CNTLN: variants seen among roughly 807,000 people sequenced by gnomAD.
CNTLN encodes the protein centlein, also known as centlein, centrosomal protein.
CNTLN carries 212 observed loss-of-function variants against 180.0 expected under a neutral mutation model. The observed-to-expected ratio is 1.18, with a 90% CI of 1.05 to 1.32. The LOEUF is 1.32. Among genes scored for constraint, CNTLN ranks in the 40% most tolerant of loss-of-function variants. The pLI, the probability that CNTLN is intolerant of heterozygous loss-of-function variation, is 0.00. For missense variants in CNTLN, 2,095 were observed against 1,610.9 expected (o/e 1.30, Z -5.14); for synonymous variants, 722 against 563.1 (o/e 1.28, Z -3.99).
At chr9:17,517,696 G>T in the CNTLN span, among the ~76,000 whole-genome samples, 4 of 152,090 alleles carry the variant, frequency 2.6e-5, no homozygotes, top group African/African-American at 9.7e-5. Flanking sequence ...TCTCCAGCAA[G>T]GCCATTGGAG....
At chr9:17,351,283 A>G (rs570426279) in intron 12 of CNTLN, among the ~76,000 whole-genome samples, 16 of 152,304 alleles carry the variant, frequency 1.1e-4, no homozygotes, top group South Asian at 4.1e-4. Context: ...GCCTATGACA[A>G]TGTCATCTAT....
At chr9:17,527,508 C>A in the CNTLN span, among the ~76,000 whole-genome samples, 1 of 152,060 alleles carries the variant, frequency 6.6e-6, no homozygotes, top group East Asian at 1.9e-4. Context: ...TATACTGGGA[C>A]GGAAGAATTC....
At chr9:17,252,828 A>G (rs1826229591) in intron 5 of CNTLN, among the ~76,000 whole-genome samples, 1 of 151,640 alleles carries the variant, frequency 6.6e-6, no homozygotes, top group Admixed American at 6.6e-5. Flanking sequence ...TCTTAGGCAT[A>G]AAATCTTTGC....
intron 18 of CNTLN, among the ~76,000 whole-genome samples, chr9:17,419,859 G>A (rs1326775313): frequency 6.6e-6 from 1 of 152,098 alleles, no homozygotes; most frequent in African/African-American, 2.4e-5. Context: ...TTAAAAAATT[G>A]TTGCATACAT....
chr9:17,513,214 T>C, the CNTLN span, among the ~76,000 whole-genome samples: 6 of 152,222 alleles, frequency 3.9e-5, no homozygotes, highest in African/African-American at 1.4e-4. Context: ...TTAAACCATC[T>C]GTGAGGCAAA....
chr9:17,317,550 T>A, intron 8 of CNTLN, among the ~76,000 whole-genome samples: 1 of 138,884 alleles, frequency 7.2e-6, no homozygotes, highest in South Asian at 2.8e-4. Flanking sequence ...GGTCAGAGGG[T>A]TACCATCTGA....
intron 12 of CNTLN, among the ~76,000 whole-genome samples, chr9:17,352,848 A>G (rs982199991): frequency 6.6e-6 from 1 of 152,224 alleles, no homozygotes; most frequent in Non-Finnish European, 1.5e-5. Flanking sequence ...ACTTAGCATA[A>G]TATTTTCAAG....
chr9:17,329,732 AT>A (rs1181808844), intron 8 of CNTLN, among the ~76,000 whole-genome samples: 1 of 151,560 alleles, frequency 6.6e-6, no homozygotes, highest in Non-Finnish European at 1.5e-5. Flanking sequence ...AACCGTATAT[AT>A]TTTTCTCATA....
At chr9:17,242,430 C>T (rs900672523) in intron 5 of CNTLN, among the ~76,000 whole-genome samples, 1 of 152,092 alleles carries the variant, frequency 6.6e-6, no homozygotes, top group African/African-American at 2.4e-5. Context: ...GCCTCAGCTT[C>T]CTGAGTAACT....
intron 18 of CNTLN, among the ~76,000 whole-genome samples, chr9:17,454,589 T>TA (rs1830999916): frequency 6.6e-6 from 1 of 152,230 alleles, no homozygotes. Context: ...CCTCAGCCTT[T>TA]AACACGCTTC....
intron 6 of CNTLN, among the ~76,000 whole-genome samples, chr9:17,294,096 C>T (rs570717670): frequency 7.4e-4 from 112 of 152,248 alleles, no homozygotes; most frequent in Non-Finnish European, 2.6e-4. Context: ...CTGGTGGATT[C>T]GTGGTCTCGC....
the CNTLN span, among the ~76,000 whole-genome samples, chr9:17,517,112 C>T: frequency 6.6e-6 from 1 of 152,068 alleles, no homozygotes; most frequent in Non-Finnish European, 1.5e-5. Context: ...AAGGTCTTGG[C>T]CGGGCGCGGT....
At chr9:17,384,815 C>G (rs781755855) in intron 13 of CNTLN, among the ~76,000 whole-genome samples, 1 of 152,090 alleles carries the variant, frequency 6.6e-6, no homozygotes, top group Non-Finnish European at 1.5e-5. Context: ...CTTCTGACAC[C>G]AATTTTATAG....
At chr9:17,390,262 C>CA (rs1226116700) in intron 14 of CNTLN, among the ~76,000 whole-genome samples, 1 of 54,678 alleles carries the variant, frequency 1.8e-5, no homozygotes, top group African/African-American at 7.2e-5. Context: ...TTTTTGGAGA[C>CA]AGAGTCTTGC....
Position 17,340,949 on chromosome 9 carries a change from G to C in CNTLN, c.1766+1G>C. On this transcript the variant is annotated splice_donor_variant, in intron 11 of 25. Coordinates refer to ENST00000380647, the MANE Select transcript of CNTLN (RefSeq NM_017738.4). LOFTEE classifies it high-confidence loss of function. ...AACAGTGGGAAGAAGGCAGTGGCAT[G>C]TGAGTTACATAGCTCATAAAGGCAT... 6.2e-7 allele frequency: 1 copy of C among 1,607,362 alleles called. No homozygotes were observed. Among genetic ancestry groups the C allele is most frequent in the Non-Finnish European group, 8.5e-7 (1 of 1,176,774 alleles).
intron 18 of CNTLN, among the ~76,000 whole-genome samples, chr9:17,417,520 G>T (rs1029461929): frequency 6.6e-6 from 1 of 151,656 alleles, no homozygotes; most frequent in Non-Finnish European, 1.5e-5. Context: ...TGAACTTTTT[G>T]GTGTTCTCTT....
chr9:17,457,704 T>C lies in CNTLN; in HGVS notation c.3295T>C (p.Tyr1099His), dbSNP rs767588986. The C allele has an allele frequency of 1.3e-6, 2 of 1,483,320 alleles. No homozygotes were observed. Among genetic ancestry groups the C allele is most frequent in the East Asian group, 5.1e-5 (2 of 39,006 alleles). 91.9% of individuals were successfully genotyped at this position (1,483,320 alleles called of 1,614,324 possible). Reference sequence around the variant, plus strand: ...GGATTTGGAAATGAAGCAATTGCAGTATAAACTAAAGGTGATTATAAAATT... The same window carrying C: ...GGATTTGGAAATGAAGCAATTGCAGCATAAACTAAAGGTGATTATAAAATT... ...SMDLEMKQLQYKLKNATNELT... is the reference protein window; with the variant it reads ...SMDLEMKQLQHKLKNATNELT... The change falls in exon 19 of 26, where the codon TAT becomes CAT. Residue 1099 changes from tyrosine to histidine, a missense_variant. Tyr to His is a moderately conservative substitution (Grantham distance 83). Coordinates refer to ENST00000380647, the MANE Select transcript of CNTLN (RefSeq NM_017738.4).
At chr9:17,447,855 C>G (rs1830534983) in intron 18 of CNTLN, 1 of 152,910 alleles carries the variant, frequency 6.5e-6, no homozygotes, top group African/African-American at 2.4e-5. Flanking sequence ...CGCCACATGC[C>G]TTTCCAATTG....
At chr9:17,344,183 G>A (rs944554570) in intron 12 of CNTLN, among the ~76,000 whole-genome samples, 1 of 152,094 alleles carries the variant, frequency 6.6e-6, no homozygotes. Context: ...TAGAACTACA[G>A]AAAAAGTAAT....
Sources: allele counts gnomAD v4.1 joint callset (sites outside exome capture counted in the v4.1 genomes callset), GRCh38; gene constraint gnomAD v4.1.1; transcripts MANE v1.5; gene names NCBI Gene and HGNC (gene_info 2026-07-23, HGNC 2026-07-21).